The following COL19A1 variants were observed in gnomAD, a reference collection of about 807,000 sequenced individuals.
The protein encoded by COL19A1 is collagen alpha-1(XIX) chain.
Under a neutral mutation model 190.2 loss-of-function variants are expected in COL19A1, and 159 were observed. That is an observed-to-expected ratio of 0.84 (90% CI 0.73 to 0.95). The LOEUF (loss-of-function observed/expected upper bound fraction) is 0.95. COL19A1 is among the 40% of genes least tolerant of loss of function. COL19A1 has a pLI of 0.00. For missense variants in COL19A1, 1,418 were observed against 1,431.9 expected, an observed-to-expected ratio of 0.99 and a Z score of 0.16; for synonymous variants, 509 against 458.9, an observed-to-expected ratio of 1.11 and a Z score of -1.39.
chr6:70,198,345 A>T (rs1162893506), intron 48 of COL19A1, among the ~76,000 whole-genome samples: 1 of 152,242 alleles, frequency 6.6e-6, no homozygotes. Flanking sequence ...TTTATTTCTT[A>T]CTACACAAAA....
chr6:69,880,921 A>T (rs1768505331), intron 2 of COL19A1, among the ~76,000 whole-genome samples: 1 of 152,212 alleles, frequency 6.6e-6, no homozygotes, highest in Non-Finnish European at 1.5e-5. Flanking sequence ...TTGCAATTTA[A>T]TCTGATATGA....
chr6:69,905,300 C>T (rs1234288392), intron 4 of COL19A1, among the ~76,000 whole-genome samples: 1 of 152,186 alleles, frequency 6.6e-6, no homozygotes, highest in East Asian at 1.9e-4. Context: ...TAGTTTTATT[C>T]AGCAGCTCTC....
At chr6:69,932,977 T>C (rs995423664) in intron 7 of COL19A1, 114 bp downstream of exon 7, 1 of 581,756 alleles carries the variant, frequency 1.7e-6, no homozygotes, top group Admixed American at 3.6e-5. Flanking sequence ...TGAAGCCAGG[T>C]GGGTAATTTA....
chr6:70,172,113 T>G (rs570513144), intron 41 of COL19A1, 96 bp downstream of exon 41: 2 of 1,075,126 alleles, frequency 1.9e-6, no homozygotes, highest in Admixed American at 2.3e-5. Flanking sequence ...GTTAGGGATA[T>G]ATAAAGGAAC....
At chr6:70,186,635 A>G (rs549213601) in intron 46 of COL19A1, among the ~76,000 whole-genome samples, 1 of 152,270 alleles carries the variant, frequency 6.6e-6, no homozygotes, top group South Asian at 2.1e-4. Flanking sequence ...ATTCCGTCAT[A>G]TTTGGTGTGA....
At position 69,884,917 on chromosome 6, in the gene COL19A1, C is replaced by T. The variant is rs529970952; in HGVS notation, c.91+5259C>T. 1.4e-3 allele frequency among the ~76,000 whole-genome samples: 214 copies of T among 150,474 alleles called. 1 individual carries two copies. The highest frequency in any genetic ancestry group is 6.8e-3 in the Middle Eastern group (2 of 292). On this transcript the variant is annotated intron_variant, in intron 2 of 50. Coordinates refer to ENST00000620364, the MANE Select transcript of COL19A1 (RefSeq NM_001858.6). ...TGTTGCCCAAGCTGGAGTGCAGTGG[C>T]GCGATCTTGGCTCACTGCAACCTCC...
At chr6:70,145,129 A>T in intron 25 of COL19A1, 122 bp downstream of exon 25, 1 of 739,718 alleles carries the variant, frequency 1.4e-6, no homozygotes, top group East Asian at 2.7e-5. Context: ...GGAAAAAAGA[A>T]CTTAAAACAG....
intron 35 of COL19A1, among the ~76,000 whole-genome samples, chr6:70,162,695 AAT>A (rs565657089): frequency 1.5e-3 from 233 of 152,318 alleles, no homozygotes; most frequent in South Asian, 3.9e-3. Flanking sequence ...TTCCTATGCC[AAT>A]AGAGTCTTTA....
intron 48 of COL19A1, among the ~76,000 whole-genome samples, chr6:70,192,581 G>T (rs533126731): frequency 2.3e-5 from 3 of 131,028 alleles, no homozygotes; most frequent in Non-Finnish European, 5.2e-5. Context: ...TTCCCCGTCA[G>T]GAAGTTTGAA....
Position 69,879,538 on chromosome 6 carries a change from C to A in COL19A1, c.-30C>A. 1.9e-6 allele frequency: 3 copies of A among 1,589,830 alleles called. No homozygotes were observed. The highest frequency in any genetic ancestry group is 2.2e-5 in the East Asian group (1 of 44,758). On this transcript the variant is annotated splice_region_variant and 5_prime_UTR_variant, in exon 2 of 51. Coordinates refer to ENST00000620364, the MANE Select transcript of COL19A1 (RefSeq NM_001858.6). ...AAATTTTTTTTTTTCTGTTGCAGAT[C>A]CGTGGCCGTTCACATGGTTTCAAGG...
chr6:70,146,315 G>A (rs1786643026), intron 25 of COL19A1, among the ~76,000 whole-genome samples: 3 of 152,188 alleles, frequency 2.0e-5, no homozygotes, highest in South Asian at 4.1e-4. Flanking sequence ...CTATTCCCAG[G>A]ACATTGAAAA....
At chr6:70,158,196 T>G (rs1349262860) in intron 34 of COL19A1, among the ~76,000 whole-genome samples, 1 of 152,094 alleles carries the variant, frequency 6.6e-6, no homozygotes, top group Non-Finnish European at 1.5e-5. Flanking sequence ...GTGGTGCAGC[T>G]TTTTCTTTAG....
chr6:70,149,745 C>A lies in COL19A1; in HGVS notation c.1929+6C>A, dbSNP rs1268109265. ...CTGGAGAGCCAGGTATTCAGGTAAG[C>A]TATTTAACTAATTTTTTAGCACAGC... On this transcript the variant is annotated splice_donor_region_variant and intron_variant, in intron 28 of 50. Coordinates refer to ENST00000620364, the MANE Select transcript of COL19A1 (RefSeq NM_001858.6). The A allele has an allele frequency of 6.2e-7, 1 of 1,613,572 alleles. No homozygotes were observed. The highest frequency in any genetic ancestry group is 1.7e-5 in the Admixed American group (1 of 59,954).
chr6:69,903,128 C>T (rs1582340097), intron 4 of COL19A1, among the ~76,000 whole-genome samples: 1 of 151,882 alleles, frequency 6.6e-6, no homozygotes, highest in East Asian at 1.9e-4. Context: ...ACAGGTGTCA[C>T]CTCTTTGGTG....
At chr6:70,051,860 A>G (rs998119054) in intron 14 of COL19A1, among the ~76,000 whole-genome samples, 42 of 152,244 alleles carry the variant, frequency 2.8e-4, no homozygotes, top group Non-Finnish European at 6.0e-4. Context: ...AATTTGTCTC[A>G]TATAGCATTT....
At chr6:70,091,444 T>C (rs1246161097) in intron 15 of COL19A1, among the ~76,000 whole-genome samples, 2 of 152,126 alleles carry the variant, frequency 1.3e-5, no homozygotes, top group Non-Finnish European at 2.9e-5. Flanking sequence ...TAACCCACAA[T>C]AGGGACTTCG....
intron 5 of COL19A1, among the ~76,000 whole-genome samples, chr6:69,929,180 A>T (rs889765786): frequency 1.3e-5 from 2 of 150,262 alleles, no homozygotes; most frequent in Non-Finnish European, 3.0e-5. Flanking sequence ...ACACACACAC[A>T]CTCTTAGATG....
intron 24 of COL19A1, among the ~76,000 whole-genome samples, chr6:70,144,515 C>A (rs934372423): frequency 2.0e-5 from 3 of 152,178 alleles, no homozygotes; most frequent in Non-Finnish European, 4.4e-5. Context: ...GTTACCAATC[C>A]TGGTATAAAC....
intron 11 of COL19A1, among the ~76,000 whole-genome samples, chr6:69,987,096 T>G (rs1409379887): frequency 1.3e-5 from 2 of 152,106 alleles, no homozygotes; most frequent in Non-Finnish European, 2.9e-5. Context: ...AAAATCTTTT[T>G]TTGTTGTTGT....
Sources: gnomAD v4.1 joint callset for allele counts (sites outside exome capture counted in the v4.1 genomes callset) on GRCh38, gnomAD v4.1.1 for gene constraint, MANE v1.5 for transcripts, NCBI Gene and HGNC (gene_info 2026-07-23, HGNC 2026-07-21) for gene names.